OLFML2B: variants seen among roughly 807,000 people sequenced by gnomAD.
OLFML2B encodes olfactomedin like 2B, also known as olfactomedin-like protein 2B.
A neutral mutation model predicts 74.9 loss-of-function variants in OLFML2B; 57 were observed. The ratio of observed to expected loss-of-function variants is 0.76; its 90% CI spans 0.61 to 0.95. The LOEUF (loss-of-function observed/expected upper bound fraction) is 0.95. Ranked by LOEUF, OLFML2B falls within the 40% of genes least tolerant of loss-of-function variation. The pLI, the probability that OLFML2B is intolerant of heterozygous loss-of-function variation, is 0.00. For synonymous variants in OLFML2B, 388 were observed against 405.8 expected, an observed-to-expected ratio of 0.96 and a Z score of 0.53; for missense variants, 986 against 970.6, an observed-to-expected ratio of 1.02 and a Z score of -0.21.
intron 5 of OLFML2B, among the ~76,000 whole-genome samples, chr1:161,999,103 G>A (rs1690013035): frequency 6.6e-6 from 1 of 152,180 alleles, no homozygotes; most frequent in African/African-American, 2.4e-5. Context: ...GGCTGTGTAT[G>A]GAGTTCAGTT....
chr1:162,022,260 T>TTTTTTTTTGTTTTTTTTTTTTTC (rs1690730598), intron 1 of OLFML2B, among the ~76,000 whole-genome samples: 1 of 127,826 alleles, frequency 7.8e-6, no homozygotes, highest in Non-Finnish European at 1.7e-5. Flanking sequence ...TTTTTTTTTT[T>TTTTTTTTTGTTTTTTTTTTTTTC]TTTTTTTTGA....
intron 1 of OLFML2B, 40 bp from the exon 2 acceptor site, chr1:162,020,222 G>A (rs1298694978): frequency 2.5e-6 from 4 of 1,604,166 alleles, no homozygotes; most frequent in Non-Finnish European, 3.4e-6. Context: ...TGCAAACACA[G>A]GTGTCAGTCA....
chr1:161,998,447 T>C (rs991560253), intron 5 of OLFML2B, 98 bp from the exon 6 acceptor site: 8 of 1,361,970 alleles, frequency 5.9e-6, no homozygotes, highest in Non-Finnish European at 8.0e-6. Context: ...GAGGGTGCCT[T>C]TCCTTAACAC....
rs749023001 is a variant in OLFML2B at position 161,983,998 on chromosome 1, CCTGG to C, written c.1926_1929del (p.Ser642ArgfsTer6). 10 of 1,614,106 alleles carry C rather than the reference CCTGG, an allele frequency of 6.2e-6. No homozygotes were observed. The South Asian group carries it at 1.1e-4, about 18-fold the overall frequency. The stretch of plus-strand genomic sequence containing the variant: ...TTGAGCTTGCTCAGGACAATGACCT[CCTGG>C]CTGAAGCCCTCATCGTCCAGGGCCG... On this transcript the variant is annotated frameshift_variant, in exon 8 of 8. Transcript: ENST00000294794. LOFTEE classifies it high-confidence loss of function.
In OLFML2B at chr1:161,984,813, A is replaced by C; in HGVS notation, c.1642T>G (p.Phe548Val). The change falls in exon 7 of 8, where the codon TTC (phenylalanine) becomes GTC (valine). Residue 548 changes from phenylalanine (F) to valine (V), a missense_variant. Phe to Val is a conservative substitution (Grantham distance 50). Coordinates refer to ENST00000294794, the MANE Select transcript of OLFML2B (RefSeq NM_015441.3). ...GATCTTTATCATGTACCTTGTTTGA[A>C]GTTCTCCAGGTTCCGGAACTCTACC... is the stretch of plus-strand genomic sequence containing the variant. ...TLVEFRNLENFKQGRWSNSYK... is the reference protein window; with the variant it reads ...TLVEFRNLENVKQGRWSNSYK... 1 of 1,613,416 alleles carries C rather than the reference A, an allele frequency of 6.2e-7. No individual in the cohort carries two copies. The highest frequency in any genetic ancestry group is 8.5e-7 in the Non-Finnish European group (1 of 1,179,772).
rs758756686 is a variant in OLFML2B at position 161,983,843 on chromosome 1, G to A, written c.2085C>T (p.Asn695=). Residue 695 remains asparagine, a synonymous_variant, in exon 8 of 8, where the codon AAC becomes AAT. Coordinates refer to ENST00000294794, the MANE Select transcript of OLFML2B (RefSeq NM_015441.3). The stretch of plus-strand genomic sequence containing the variant: ...TGTGGGTGTCGAAAGCGTAGGAGAT[G>A]TTGGCATTCCGCTGGTTGTAGCTAT... ...AVDSYNQRNA[N]ISYAFDTHTN... is the part of the protein sequence containing the mutation. 1 of 1,614,174 alleles carries A rather than the reference G, an allele frequency of 6.2e-7. No individual in the cohort carries two copies. The highest frequency in any genetic ancestry group is 8.5e-7 in the Non-Finnish European group (1 of 1,180,034).
At chr1:162,006,608 A>G in intron 3 of OLFML2B, 135 bp from the exon 4 acceptor site, 2 of 703,106 alleles carry the variant, frequency 2.8e-6, no homozygotes. Flanking sequence ...GATTGGGGCT[A>G]GAGAGTGTGC....
At chr1:162,009,767 C>T (rs1415787005) in intron 3 of OLFML2B, among the ~76,000 whole-genome samples, 2 of 152,218 alleles carry the variant, frequency 1.3e-5, no homozygotes, top group African/African-American at 4.8e-5. Context: ...TGGCCACCCC[C>T]AGTCAGCCAC....
chr1:162,021,133 G>A (rs1301313296), intron 1 of OLFML2B, among the ~76,000 whole-genome samples: 2 of 152,206 alleles, frequency 1.3e-5, no homozygotes, highest in East Asian at 3.9e-4. Context: ...ACTTCTTCGA[G>A]GAGTGGCATT....
intron 6 of OLFML2B, 87 bp from the exon 7 acceptor site, chr1:161,985,067 T>G: frequency 1.4e-6 from 2 of 1,401,200 alleles, no homozygotes; most frequent in Non-Finnish European, 1.9e-6. Flanking sequence ...ATTTAGAGTC[T>G]GGACTCCTCG....
At chr1:162,007,591 T>G (rs1167699390) in intron 3 of OLFML2B, among the ~76,000 whole-genome samples, 1 of 152,226 alleles carries the variant, frequency 6.6e-6, no homozygotes, top group Non-Finnish European at 1.5e-5. Context: ...AGGATGTGTT[T>G]GCTTTCCATC....
intron 4 of OLFML2B, 55 bp from the exon 5 acceptor site, chr1:162,000,393 G>A: frequency 2.1e-6 from 3 of 1,440,184 alleles, no homozygotes; most frequent in Non-Finnish European, 2.9e-6. Flanking sequence ...GAGAGGCAGT[G>A]GGCAGGTGGG....
At chr1:161,994,944 G>A (rs1471127303) in intron 6 of OLFML2B, among the ~76,000 whole-genome samples, 1 of 152,124 alleles carries the variant, frequency 6.6e-6, no homozygotes, top group African/African-American at 2.4e-5. Flanking sequence ...CAAAATTGCT[G>A]GATTCATCAA....
At chr1:162,018,199 G>C (rs538611063) in intron 2 of OLFML2B, among the ~76,000 whole-genome samples, 39 of 152,152 alleles carry the variant, frequency 2.6e-4, no homozygotes, top group African/African-American at 9.2e-4. Context: ...TTAGTAGCTG[G>C]GTGACAAAAT....
At chr1:161,985,175 A>G (rs994380154) in intron 6 of OLFML2B, 195 bp from the exon 7 acceptor site, 12 of 488,288 alleles carry the variant, frequency 2.5e-5, no homozygotes, top group Non-Finnish European at 3.6e-5. Context: ...CCTACACTTG[A>G]GCCTCCACCA....
rs529581267 is a variant in OLFML2B, at chr1:161,996,813, C to T, written c.1474+1012G>A. 3.9e-5 allele frequency among the ~76,000 whole-genome samples: 6 copies of T among 152,332 alleles called. No individual in the cohort carries two copies. In the South Asian group the frequency reaches 1.2e-3, roughly 32 times the overall value. On this transcript the variant is annotated intron_variant, in intron 6 of 7. Transcript: ENST00000294794. ...GCATTCTCCATGCTTCTGGAACATA[C>T]CTTGTTTTTTTAGACCTAACAGTCA... is the stretch of plus-strand genomic sequence containing the variant.
intron 1 of OLFML2B, among the ~76,000 whole-genome samples, chr1:162,022,381 G>A (rs530908487): frequency 4.0e-5 from 6 of 151,212 alleles, no homozygotes; most frequent in African/African-American, 1.5e-4. Flanking sequence ...CTCCTGAGTA[G>A]CTGGGACTAC....
In OLFML2B at chr1:162,020,028, G is replaced by C; in HGVS notation, c.329C>G (p.Ser110Ter). The change falls in exon 2 of 8, where the codon TCA becomes TGA. Residue 110 changes from serine (S) to a stop codon, truncating the protein, a stop_gained. Coordinates refer to ENST00000294794, the MANE Select transcript of OLFML2B (RefSeq NM_015441.3). LOFTEE classifies it high-confidence loss of function. ...EDFYTVETIT[S>*]GSSCKCACVA... ...ACAGGCACACTTGCACGACGAGCCT[G>C]AGGTGATGGTTTCCACGGTATAGAA... is the stretch of plus-strand genomic sequence containing the variant. 6.2e-7 allele frequency: 1 copy of C among 1,614,218 alleles called. No homozygotes were observed. The highest frequency in any genetic ancestry group is 8.5e-7 in the Non-Finnish European group (1 of 1,180,038).
chr1:161,984,238 T>A lies in OLFML2B; in HGVS notation c.1690A>T (p.Ile564Phe). The A allele has an allele frequency of 6.5e-7, 1 of 1,538,462 alleles. No individual in the cohort carries two copies. Among genetic ancestry groups the A allele is most frequent in the South Asian group, 1.3e-5 (1 of 77,606 alleles). Residue 564 changes from isoleucine (I) to phenylalanine (F), a missense_variant, in exon 8 of 8, where the codon ATC (isoleucine) becomes TTC (phenylalanine). By Grantham distance (21) the Ile-to-Phe change is conservative (BLOSUM62 0). Transcript: ENST00000294794. ...TTGTATACCACGTGGCCTGTGCCGA[T>A]CCAGCTGTACGGGAGCTTGTAGGAA... The part of the protein sequence containing the change: ...SNSYKLPYSW[I>F]GTGHVVYNGA...
Sources: gnomAD v4.1 joint callset for allele counts (sites outside exome capture counted in the v4.1 genomes callset) on GRCh38, gnomAD v4.1.1 for gene constraint, MANE v1.5 for transcripts, NCBI Gene and HGNC (gene_info 2026-07-23, HGNC 2026-07-21) for gene names.